The following SLC35F4 variants were observed in gnomAD, a reference collection of about 807,000 sequenced individuals.
SLC35F4 encodes the protein chromosome 14 open reading frame 36.
A neutral mutation model predicts 44.2 loss-of-function variants in SLC35F4; 24 were observed. That is an observed-to-expected ratio of 0.54 (90% confidence interval 0.39 to 0.76). The LOEUF (loss-of-function observed/expected upper bound fraction) is 0.76, where lower values mean the gene tolerates loss of function less well. Ranked by LOEUF, SLC35F4 falls within the 30% of genes least tolerant of loss-of-function variation. SLC35F4 has a pLI of 0.00. For synonymous variants in SLC35F4, 238 were observed against 223.6 expected, an observed-to-expected ratio of 1.06 and a Z score of -0.57; for missense variants, 562 against 586.1, an observed-to-expected ratio of 0.96 and a Z score of 0.42.
intron 1 of SLC35F4, among the ~76,000 whole-genome samples, chr14:57,757,196 A>G (rs998671438): frequency 2.0e-5 from 3 of 152,122 alleles, no homozygotes; most frequent in Non-Finnish European, 4.4e-5. Flanking sequence ...TTTGCTTGAT[A>G]TTAATATGGC....
chr14:57,947,263 TTGG>T (rs1332563437), intron 1 of SLC35F4, among the ~76,000 whole-genome samples: 9 of 151,172 alleles, frequency 6.0e-5, no homozygotes, highest in Admixed American at 4.6e-4. Context: ...TTTTTTTTTT[TTGG>T]TTTGTTTGTT....
At chr14:57,581,149 C>G in intron 4 of SLC35F4, 65 bp downstream of exon 4, 1 of 1,419,232 alleles carries the variant, frequency 7.0e-7, no homozygotes, top group Admixed American at 2.8e-5. Context: ...AGCAGACAGG[C>G]TCTCCTGAAG....
chr14:57,848,622 T>C (rs1308752115), intron 1 of SLC35F4, among the ~76,000 whole-genome samples: 1 of 152,146 alleles, frequency 6.6e-6, no homozygotes, highest in African/African-American at 2.4e-5. Context: ...TTTCCACATA[T>C]CATGTGCAGG....
At chr14:57,671,192 T>G (rs2074510127) in intron 1 of SLC35F4, among the ~76,000 whole-genome samples, 1 of 152,112 alleles carries the variant, frequency 6.6e-6, no homozygotes, top group South Asian at 2.1e-4. Context: ...ACCTGTGACC[T>G]TCTGAGGTTT....
chr14:57,676,080 A>G (rs1406978291), intron 1 of SLC35F4, among the ~76,000 whole-genome samples: 1 of 152,148 alleles, frequency 6.6e-6, no homozygotes, highest in African/African-American at 2.4e-5. Context: ...ACAAAGGACT[A>G]CTATGCAGAA....
chr14:57,958,627 C>T (rs1369817050), intron 1 of SLC35F4, among the ~76,000 whole-genome samples: 1 of 152,120 alleles, frequency 6.6e-6, no homozygotes, highest in Non-Finnish European at 1.5e-5. Flanking sequence ...GAGCTCTATA[C>T]TTTAAAAGGG....
intron 1 of SLC35F4, among the ~76,000 whole-genome samples, chr14:57,701,174 T>A (rs992773765): frequency 5.3e-5 from 8 of 152,068 alleles, no homozygotes; most frequent in Non-Finnish European, 1.2e-4. Context: ...GTTATTGTTG[T>A]TAAACACTAA....
intron 4 of SLC35F4, among the ~76,000 whole-genome samples, chr14:57,577,282 TTCAG>T (rs1233699490): frequency 4.2e-4 from 64 of 152,198 alleles, no homozygotes; most frequent in African/African-American, 1.4e-3. Context: ...ACTGATGTAC[TTCAG>T]TCAGTTTTTG....
intron 1 of SLC35F4, among the ~76,000 whole-genome samples, chr14:57,605,804 C>T (rs973843179): frequency 6.6e-6 from 1 of 152,024 alleles, no homozygotes; most frequent in East Asian, 1.9e-4. Flanking sequence ...AATCACGTCC[C>T]TTGCAACAAC....
intron 1 of SLC35F4, among the ~76,000 whole-genome samples, chr14:57,902,131 A>C (rs1342866610): frequency 1.3e-5 from 2 of 152,198 alleles, no homozygotes; most frequent in African/African-American, 4.8e-5. Flanking sequence ...TTCAAATCAA[A>C]ACATGCCATC....
chr14:57,911,666 T>C (rs1389977648), intron 1 of SLC35F4, among the ~76,000 whole-genome samples: 1 of 152,072 alleles, frequency 6.6e-6, no homozygotes, highest in African/African-American at 2.4e-5. Flanking sequence ...ATTCTTTTTA[T>C]ACATTGTTAG....
intron 1 of SLC35F4, among the ~76,000 whole-genome samples, chr14:57,646,634 T>G (rs1014901470): frequency 5.4e-5 from 8 of 149,070 alleles, no homozygotes; most frequent in African/African-American, 2.1e-4. Context: ...AGTTCTGCTC[T>G]GATCTTAGTT....
chr14:57,633,586 C>G (rs1479296957), intron 1 of SLC35F4, among the ~76,000 whole-genome samples: 1 of 152,042 alleles, frequency 6.6e-6, no homozygotes, highest in Non-Finnish European at 1.5e-5. Context: ...TACCCTTCAC[C>G]CAGCATTTTA....
chr14:57,654,562 A>G (rs1212537099), intron 1 of SLC35F4, among the ~76,000 whole-genome samples: 2 of 152,170 alleles, frequency 1.3e-5, no homozygotes, highest in Non-Finnish European at 2.9e-5. Flanking sequence ...TGCATGTGCA[A>G]GTGTCTTTTT....
chr14:57,828,264 C>T (rs1442138489), intron 1 of SLC35F4, among the ~76,000 whole-genome samples: 1 of 152,078 alleles, frequency 6.6e-6, no homozygotes, highest in Non-Finnish European at 1.5e-5. Flanking sequence ...TCTGGGAAAG[C>T]GATGAGGATC....
intron 1 of SLC35F4, among the ~76,000 whole-genome samples, chr14:57,731,439 C>T (rs2076342247): frequency 6.6e-6 from 1 of 152,198 alleles, no homozygotes; most frequent in Admixed American, 6.5e-5. Context: ...GAGGGTCATC[C>T]AGACACCTGC....
rs758770254 is a variant in SLC35F4, at chr14:57,958,214, C to T, written n.282+23699G>A. The stretch of plus-strand genomic sequence containing the variant: ...CTGGGACTACAGGCGCCCGCCACCA[C>T]GCCCGGCTAATTATTTTGTATTTTT... On this transcript the variant is annotated intron_variant and non_coding_transcript_variant, in intron 1 of 1. Coordinates refer to the SLC35F4 transcript ENST00000556568. Among the ~76,000 whole-genome samples, 6 of 152,206 alleles carry T rather than the reference C, an allele frequency of 3.9e-5. No homozygotes were observed. The East Asian group carries it at 5.8e-4, about 15-fold the overall frequency.
chr14:57,671,899 T>C (rs1367425814), intron 1 of SLC35F4, among the ~76,000 whole-genome samples: 1 of 152,044 alleles, frequency 6.6e-6, no homozygotes, highest in Non-Finnish European at 1.5e-5. Context: ...GTGTGAGACA[T>C]TACTTGAAAC....
chr14:57,703,187 C>A (rs1292496752), intron 1 of SLC35F4, among the ~76,000 whole-genome samples: 1 of 152,180 alleles, frequency 6.6e-6, no homozygotes, highest in Admixed American at 6.5e-5. Context: ...CCATCAACTT[C>A]ATCTTCACAG....
Sources: allele counts gnomAD v4.1 joint callset (sites outside exome capture counted in the v4.1 genomes callset), GRCh38; gene constraint gnomAD v4.1.1; transcripts MANE v1.5; gene names NCBI Gene and HGNC (gene_info 2026-07-23, HGNC 2026-07-21).